ELOVL6: variants seen among roughly 807,000 people sequenced by gnomAD.
ELOVL6 encodes very long chain fatty acid elongase 6.
In ELOVL6, 8 loss-of-function variants were observed where a neutral mutation model predicts 31.7. That is an observed-to-expected ratio of 0.25 (90% CI 0.15 to 0.45). The LOEUF (loss-of-function observed/expected upper bound fraction) is 0.45, where lower values mean the gene tolerates loss of function less well. Ranked by LOEUF, ELOVL6 falls within the 20% of genes least tolerant of loss-of-function variation. The pLI, the probability that ELOVL6 is intolerant of heterozygous loss-of-function variation, is 1.00. For synonymous variants in ELOVL6, 101 were observed against 117.7 expected, an observed-to-expected ratio of 0.86 and a Z score of 0.92; for missense variants, 126 against 326.4, an observed-to-expected ratio of 0.39 and a Z score of 4.73.
At chr4:110,109,012 A>G (rs1756959467) in intron 1 of ELOVL6, among the ~76,000 whole-genome samples, 2 of 152,240 alleles carry the variant, frequency 1.3e-5, no homozygotes, top group South Asian at 4.1e-4. Context: ...TTTAATGAAC[A>G]GGACAATTTA....
intron 1 of ELOVL6, among the ~76,000 whole-genome samples, chr4:110,116,893 G>A (rs1379150836): frequency 6.6e-6 from 1 of 152,138 alleles, no homozygotes; most frequent in Non-Finnish European, 1.5e-5. Context: ...TTCCTGCAAT[G>A]CTTCCTTCAC....
In ELOVL6 at chr4:110,046,355, CG is replaced by C. The variant is rs1560794329; in HGVS notation, c.*4982del. The stretch of plus-strand genomic sequence containing the variant: ...TACTACAATGCAGTGTTGGTTTGGA[CG>C]TCTAGTGAAATATATTTTACTGTGA... On this transcript the variant is annotated 3_prime_UTR_variant, in exon 4 of 4. Transcript: ENST00000302274. 2 of 152,128 alleles carry C rather than the reference CG, an allele frequency of 1.3e-5. No individual in the cohort carries two copies. The highest frequency in any genetic ancestry group is 2.9e-5 in the Non-Finnish European group (2 of 68,040). The allele number at this position is 152,128 out of a possible 1,614,324, so 9.4% of individuals were successfully genotyped here.
At chr4:110,168,622 C>A (rs1468524419) in intron 1 of ELOVL6, among the ~76,000 whole-genome samples, 1 of 152,084 alleles carries the variant, frequency 6.6e-6, no homozygotes, top group Admixed American at 6.5e-5. Context: ...ACAAAATGAG[C>A]CCCACCATAT....
intron 1 of ELOVL6, chr4:110,197,844 C>G: frequency 4.2e-6 from 1 of 238,356 alleles, no homozygotes; most frequent in Non-Finnish European, 8.3e-6. Flanking sequence ...CTGCCTTTCA[C>G]ACTCCGGTTG....
chr4:110,120,793 CTTTTCTTTTTTTTT>C (rs1354092751), intron 1 of ELOVL6, among the ~76,000 whole-genome samples: 30 of 128,976 alleles, frequency 2.3e-4, no homozygotes, highest in Admixed American at 9.8e-4. Flanking sequence ...TCTTTTTTTT[CTTTTCTTTTTTTTT>C]TTTTTTTTTT....
chr4:110,127,405 T>TAAAAAA (rs1757533013), intron 1 of ELOVL6, among the ~76,000 whole-genome samples: 1 of 10,718 alleles, frequency 9.3e-5, no homozygotes. Context: ...AGATTCCGTC[T>TAAAAAA]CAAAAAAAAA....
rs17041394 is a variant in ELOVL6 at position 110,142,633 on chromosome 4, G to A, written c.90-37005C>T. On this transcript the variant is annotated intron_variant, in intron 1 of 3. Transcript: ENST00000302274. Reference sequence around the variant, plus strand: ...TAGTAAGAATGAACTCTTGCTCTCTGGATAATCAAATGGGTCCTTCCTCCT... The same window carrying A: ...TAGTAAGAATGAACTCTTGCTCTCTAGATAATCAAATGGGTCCTTCCTCCT... 5.8e-3 allele frequency among the ~76,000 whole-genome samples: 882 copies of A among 152,242 alleles called. 7 individuals are homozygous for A. Among genetic ancestry groups the A allele is most frequent in the African/African-American group, 0.02 (838 of 41,542 alleles).
chr4:110,046,321 A>C lies in ELOVL6; in HGVS notation c.*5017T>G, dbSNP rs1351911960. 1 of 152,198 alleles carries C rather than the reference A, an allele frequency of 6.6e-6. No homozygotes were observed. The highest frequency in any genetic ancestry group is 1.5e-5 in the Non-Finnish European group (1 of 68,050). The allele number at this position is 152,198 out of a possible 1,614,324, so 9.4% of individuals were successfully genotyped here. On this transcript the variant is annotated 3_prime_UTR_variant, in exon 4 of 4. Transcript: ENST00000302274. ...AGTTATTAATTTAACCAGTTACTTCAGAAGAGGTTACTACAATGCAGTGTT... is the reference window on the plus strand; with the variant it reads ...AGTTATTAATTTAACCAGTTACTTCCGAAGAGGTTACTACAATGCAGTGTT...
rs1553956123 is a variant in ELOVL6 at position 110,084,369 on chromosome 4, G to GACATATATCGC, written c.221+21127_221+21128insGCGATATATGT. On this transcript the variant is annotated intron_variant, in intron 2 of 3. Transcript: ENST00000302274. ...GATATATGATATATACCGCATATAT[G>GACATATATCGC]ATATATGATATATATCGCATATATG... Among the ~76,000 whole-genome samples, 219 of 34,692 alleles carry GACATATATCGC rather than the reference G, an allele frequency of 6.3e-3. 5 individuals are homozygous for GACATATATCGC. The highest frequency in any genetic ancestry group is 0.025 in the African/African-American group (178 of 7,004). 22.8% of individuals were successfully genotyped at this position (34,692 alleles called of 152,430 possible). A position where few individuals can be genotyped will look rare whatever the true frequency, so the allele number is the denominator to read the frequency against.
chr4:110,124,775 T>C (rs777971909), intron 1 of ELOVL6, among the ~76,000 whole-genome samples: 8 of 152,076 alleles, frequency 5.3e-5, no homozygotes, highest in Non-Finnish European at 8.8e-5. Flanking sequence ...CAAACCTGAA[T>C]ATATATAAGC....
At chr4:110,188,939 T>C (rs1759526219) in intron 1 of ELOVL6, among the ~76,000 whole-genome samples, 1 of 150,638 alleles carries the variant, frequency 6.6e-6, no homozygotes, top group South Asian at 2.1e-4. Flanking sequence ...TGCAATCAGG[T>C]AACCATGTAT....
intron 1 of ELOVL6, among the ~76,000 whole-genome samples, chr4:110,121,934 T>A (rs75064389): frequency 0.046 from 7,045 of 152,222 alleles, 244 homozygotes; most frequent in Non-Finnish European, 0.064. Flanking sequence ...AGTCACTACA[T>A]GCTTGAAGCT....
At chr4:110,122,247 T>C (rs1757377208) in intron 1 of ELOVL6, among the ~76,000 whole-genome samples, 1 of 152,228 alleles carries the variant, frequency 6.6e-6, no homozygotes, top group Admixed American at 6.5e-5. Flanking sequence ...TTATGTAGCA[T>C]ATAATCTTCA....
intron 1 of ELOVL6, among the ~76,000 whole-genome samples, chr4:110,171,746 T>C (rs1216693599): frequency 1.5e-5 from 2 of 136,588 alleles, no homozygotes; most frequent in Non-Finnish European, 3.1e-5. Context: ...CAGGCTGGAG[T>C]ACAGTAGCAC....
chr4:110,187,247 AG>A (rs933429271), intron 1 of ELOVL6, among the ~76,000 whole-genome samples: 6 of 151,858 alleles, frequency 4.0e-5, no homozygotes, highest in African/African-American at 1.5e-4. Flanking sequence ...CACAATTAAG[AG>A]GTCCTTTGAC....
intron 3 of ELOVL6, among the ~76,000 whole-genome samples, chr4:110,057,040 G>T (rs1488780448): frequency 2.0e-5 from 3 of 152,194 alleles, no homozygotes; most frequent in African/African-American, 7.2e-5. Context: ...GAGAGCATAG[G>T]TCTGATTATG....
Position 110,061,549 on chromosome 4 carries a change from C to CTTTTTTTTTTTTTTTTT in ELOVL6, c.222-1812_222-1796dup. 7.6e-4 allele frequency among the ~76,000 whole-genome samples: 55 copies of CTTTTTTTTTTTTTTTTT among 72,364 alleles called. 5 individuals carry two copies. Among genetic ancestry groups the CTTTTTTTTTTTTTTTTT allele is most frequent in the East Asian group, 2.5e-3 (5 of 1,970 alleles). The allele number at this position is 72,364 out of a possible 152,430, so 47.5% of individuals were successfully genotyped here. A position where few individuals can be genotyped will look rare whatever the true frequency, so the allele number is the denominator to read the frequency against. ...CTGTCTTTCCCTCACCAAATGATGG[C>CTTTTTTTTTTTTTTTTT]TTTTTTTTTTTTTTTTTTTTTTTTT... On this transcript the variant is annotated intron_variant, in intron 2 of 3. Coordinates refer to ENST00000302274, the MANE Select transcript of ELOVL6 (RefSeq NM_024090.3).
At chr4:110,077,472 C>G (rs1755678516) in intron 2 of ELOVL6, among the ~76,000 whole-genome samples, 1 of 152,198 alleles carries the variant, frequency 6.6e-6, no homozygotes, top group Non-Finnish European at 1.5e-5. Flanking sequence ...GATACCCAGG[C>G]AAACAGGGTC....
chr4:110,187,320 T>C (rs1257671055), intron 1 of ELOVL6, among the ~76,000 whole-genome samples: 1 of 151,972 alleles, frequency 6.6e-6, no homozygotes, highest in Non-Finnish European at 1.5e-5. Flanking sequence ...GAGCCATTTT[T>C]GACTGGACAT....
Sources: gnomAD v4.1 joint callset for allele counts (sites outside exome capture counted in the v4.1 genomes callset) on GRCh38, gnomAD v4.1.1 for gene constraint, MANE v1.5 for transcripts, NCBI Gene and HGNC (gene_info 2026-07-23, HGNC 2026-07-21) for gene names.